CSMD1: variants seen among roughly 807,000 people sequenced by gnomAD.
CSMD1 encodes CUB and sushi domain-containing protein 1.
CSMD1 carries 213 observed loss-of-function variants against 417.5 expected under a neutral mutation model. The observed-to-expected ratio is 0.51, with a 90% CI of 0.46 to 0.57. CSMD1 has a LOEUF of 0.57. Ranked by LOEUF, CSMD1 falls within the 20% of genes least tolerant of loss-of-function variation. The pLI is 0.00. For synonymous variants in CSMD1, 2,862 were observed against 1,736.8 expected (o/e 1.65, Z -16.11); for missense variants, 6,923 against 4,529.7 (o/e 1.53, Z -15.17).
At chr8:4,978,875 T>TGTAC (rs34396980) in intron 1 of CSMD1, among the ~76,000 whole-genome samples, 1 of 151,670 alleles carries the variant, frequency 6.6e-6, no homozygotes, top group Non-Finnish European at 1.5e-5. Context: ...GAGGCGGAGG[T>TGTAC]TGCAGTGAGC....
At position 4,279,168 on chromosome 8, in the gene CSMD1, C is replaced by T. The variant is rs143240456; in HGVS notation, c.415+140785G>A. Among the ~76,000 whole-genome samples, 134 of 152,184 alleles carry T rather than the reference C, an allele frequency of 8.8e-4. No individual in the cohort carries two copies. In the East Asian group the frequency reaches 0.023, roughly 26 times the overall value. ...CGTGCAAAGGAAATTATTCCCCATG[C>T]CAAGCTTCGTCTGTCTCTGTAAACG... is the stretch of plus-strand genomic sequence containing the variant. On this transcript the variant is annotated intron_variant, in intron 3 of 69. Coordinates refer to ENST00000635120, the MANE Select transcript of CSMD1 (RefSeq NM_033225.6).
chr8:3,621,723 G>A (rs540654990), intron 7 of CSMD1, among the ~76,000 whole-genome samples: 2 of 151,790 alleles, frequency 1.3e-5, no homozygotes, highest in South Asian at 4.2e-4. Flanking sequence ...GCAACTACAG[G>A]TGCATGCCAC....
chr8:3,346,611 G>C (rs901443590), intron 22 of CSMD1, among the ~76,000 whole-genome samples: 1 of 152,292 alleles, frequency 6.6e-6, no homozygotes, highest in Non-Finnish European at 1.5e-5. Flanking sequence ...GGCCTTAGGA[G>C]GAAGTAAGGC....
intron 2 of CSMD1, among the ~76,000 whole-genome samples, chr8:4,617,070 T>C (rs73659175): frequency 0.012 from 1,773 of 152,214 alleles, 30 homozygotes; most frequent in African/African-American, 0.041. Context: ...TTATAAATAA[T>C]AGATGTTAAG....
intron 5 of CSMD1, among the ~76,000 whole-genome samples, chr8:3,810,293 G>A (rs1412395474): frequency 2.6e-5 from 4 of 152,148 alleles, no homozygotes; most frequent in Non-Finnish European, 4.4e-5. Context: ...TTCACAGGAC[G>A]AAGACAAGAC....
intron 25 of CSMD1, among the ~76,000 whole-genome samples, chr8:3,301,936 G>A (rs1266612037): frequency 6.6e-6 from 1 of 152,132 alleles, no homozygotes; most frequent in Non-Finnish European, 1.5e-5. Flanking sequence ...CAGATTCTAT[G>A]CACTTTTTTT....
chr8:3,988,065 A>C (rs907240802), intron 5 of CSMD1, among the ~76,000 whole-genome samples: 6 of 152,184 alleles, frequency 3.9e-5, no homozygotes, highest in African/African-American at 1.4e-4. Context: ...CTGTGCCTAA[A>C]AACATAGGGA....
chr8:3,534,561 C>A (rs940141552), intron 10 of CSMD1, among the ~76,000 whole-genome samples: 16 of 149,194 alleles, frequency 1.1e-4, no homozygotes, highest in Non-Finnish European at 2.2e-4. Context: ...AATTAGTGTA[C>A]AATCATTTAC....
At position 4,143,101 on chromosome 8, in the gene CSMD1, T is replaced by TA. The variant is rs569940463; in HGVS notation, c.416-111003dup. 1.0e-3 allele frequency among the ~76,000 whole-genome samples: 148 copies of TA among 148,170 alleles called. 8 individuals are homozygous for TA. Among genetic ancestry groups the TA allele is most frequent in the African/African-American group, 3.7e-3 (142 of 38,886 alleles). On this transcript the variant is annotated intron_variant, in intron 3 of 69. Coordinates refer to ENST00000635120, the MANE Select transcript of CSMD1 (RefSeq NM_033225.6). ...TTAGTGACATGATATCTTCATCTAT[T>TA]AACTTGGGAAACTATGGAGGATTGG...
rs143256030 is a variant in CSMD1, at chr8:4,254,667, C to G, written c.415+165286G>C. 1.2e-3 allele frequency among the ~76,000 whole-genome samples: 189 copies of G among 152,242 alleles called. 2 individuals are homozygous for G. The highest frequency in any genetic ancestry group is 4.4e-3 in the African/African-American group (183 of 41,512). On this transcript the variant is annotated intron_variant, in intron 3 of 69. Transcript: ENST00000635120. ...GTGGTAACTGCCGTAGACAGGTGTACCATTCTTACGTTTCACTCCATATTT... is the reference window on the plus strand; with the variant it reads ...GTGGTAACTGCCGTAGACAGGTGTAGCATTCTTACGTTTCACTCCATATTT...
At position 3,763,660 on chromosome 8, in the gene CSMD1, G is replaced by A. The variant is rs188415079; in HGVS notation, c.819-9618C>T. Among the ~76,000 whole-genome samples, 5 of 152,184 alleles carry A rather than the reference G, an allele frequency of 3.3e-5. No homozygotes were observed. The East Asian group carries it at 5.8e-4, about 18-fold the overall frequency. ...GTCTCAAGTATTCCTATATAGCACT[G>A]CAAAACACACTGACACAAGTGCCTT... On this transcript the variant is annotated intron_variant, in intron 5 of 69. Transcript: ENST00000635120.
At chr8:3,569,278 CAT>C (rs1263752435) in intron 10 of CSMD1, among the ~76,000 whole-genome samples, 1 of 152,074 alleles carries the variant, frequency 6.6e-6, no homozygotes, top group Non-Finnish European at 1.5e-5. Flanking sequence ...AGCATGATAA[CAT>C]GTGATGTGCA....
At chr8:4,673,831 A>G (rs186127558) in intron 1 of CSMD1, among the ~76,000 whole-genome samples, 31 of 152,276 alleles carry the variant, frequency 2.0e-4, no homozygotes, top group Non-Finnish European at 4.3e-4. Context: ...ACTAAAAGCA[A>G]TTGAGTGCTT....
chr8:4,906,731 AT>A (rs904063492), intron 1 of CSMD1, among the ~76,000 whole-genome samples: 2 of 151,582 alleles, frequency 1.3e-5, no homozygotes, highest in Non-Finnish European at 2.9e-5. Flanking sequence ...TAATTTTTGT[AT>A]TTTTTTTAGT....
At chr8:4,626,198 T>A (rs1339999289) in intron 2 of CSMD1, among the ~76,000 whole-genome samples, 1 of 152,130 alleles carries the variant, frequency 6.6e-6, no homozygotes, top group Non-Finnish European at 1.5e-5. Context: ...TAGCTCAGTT[T>A]TCCTCTTTTG....
intron 2 of CSMD1, among the ~76,000 whole-genome samples, chr8:4,522,096 A>T (rs543135972): frequency 6.6e-6 from 1 of 152,208 alleles, no homozygotes; most frequent in African/African-American, 2.4e-5. Context: ...CATGATTCCC[A>T]TGTGTTGTGG....
intron 1 of CSMD1, among the ~76,000 whole-genome samples, chr8:4,652,704 C>A (rs1017220818): frequency 1.3e-5 from 2 of 152,074 alleles, no homozygotes; most frequent in African/African-American, 4.8e-5. Context: ...AGGGCAATCC[C>A]AAGCGCAGTG....
At chr8:3,022,429 T>C (rs1017627517) in intron 51 of CSMD1, among the ~76,000 whole-genome samples, 1 of 152,034 alleles carries the variant, frequency 6.6e-6, no homozygotes, top group African/African-American at 2.4e-5. Flanking sequence ...CGACAGCGTG[T>C]TTTCTCACTG....
chr8:4,032,191 T>C (rs913374704), intron 3 of CSMD1, 92 bp from the exon 4 acceptor site: 1 of 873,156 alleles, frequency 1.1e-6, no homozygotes, highest in African/African-American at 1.7e-5. Flanking sequence ...TTTTGAATTA[T>C]TAAAATGAGA....
Sources: gnomAD v4.1 joint callset for allele counts (sites outside exome capture counted in the v4.1 genomes callset) on GRCh38, gnomAD v4.1.1 for gene constraint, MANE v1.5 for transcripts, NCBI Gene and HGNC (gene_info 2026-07-23, HGNC 2026-07-21) for gene names.